Variants in SLC4A10 observed in about 807,000 individuals in gnomAD.
The protein encoded by SLC4A10 is solute carrier family 4 member 10.
A neutral mutation model predicts 137.7 loss-of-function variants in SLC4A10; 42 were observed. That is an observed-to-expected ratio of 0.30 (90% confidence interval 0.24 to 0.39). SLC4A10 has a LOEUF of 0.39. Ranked by LOEUF, SLC4A10 falls within the 10% of genes least tolerant of loss-of-function variation. The probability of loss-of-function intolerance (pLI) is 1.00; values close to 1 mark genes in which losing one functional copy is unlikely to be tolerated. For missense variants in SLC4A10, 925 were observed against 1,355.0 expected, an observed-to-expected ratio of 0.68 and a Z score of 4.98; for synonymous variants, 474 against 464.1, an observed-to-expected ratio of 1.02 and a Z score of -0.27.
intron 3 of SLC4A10, among the ~76,000 whole-genome samples, chr2:161,823,813 A>G (rs967908398): frequency 1.2e-4 from 18 of 152,306 alleles, no homozygotes; most frequent in African/African-American, 4.3e-4. Flanking sequence ...TTCTGGGGGG[A>G]AAATGCCACA....
chr2:161,894,723 G>T lies in SLC4A10; in HGVS notation c.1239G>T (p.Leu413Phe). 6.9e-7 allele frequency: 1 copy of T among 1,443,828 alleles called. No individual in the cohort carries two copies. Among genetic ancestry groups the T allele is most frequent in the East Asian group, 2.7e-5 (1 of 37,428 alleles). 89.4% of individuals were successfully genotyped at this position (1,443,828 alleles called of 1,614,324 possible). Residue 413 changes from leucine (L) to phenylalanine (F), a missense_variant, in exon 11 of 27, where the codon TTG becomes TTT. Physicochemically the swap from Leu to Phe is conservative, Grantham distance 22 (BLOSUM62 0). Coordinates refer to ENST00000446997, the MANE Select transcript of SLC4A10 (RefSeq NM_001178015.2). ...ATAAAGCTAAAGATCGTAATGACTT[G>T]GTATCAGGAATTGATGAGTTTCTGG... Reference protein sequence around the residue: ...VAYKAKDRNDLVSGIDEFLDQ... With the variant: ...VAYKAKDRNDFVSGIDEFLDQ...
chr2:161,786,863 G>A (rs528376795), intron 2 of SLC4A10, among the ~76,000 whole-genome samples: 2 of 150,212 alleles, frequency 1.3e-5, no homozygotes, highest in South Asian at 4.2e-4. Context: ...ACTCATTTCT[G>A]TTCAAAGTTA....
At chr2:161,964,471 G>A (rs1697244690) in intron 22 of SLC4A10, among the ~76,000 whole-genome samples, 163 bp downstream of exon 22, 1 of 152,150 alleles carries the variant, frequency 6.6e-6, no homozygotes, top group African/African-American at 2.4e-5. Context: ...GTTTAAGAAT[G>A]CCTATGAATT....
chr2:161,624,711 T>G (rs2031912322), intron 1 of SLC4A10, 145 bp downstream of exon 1: 2 of 1,091,268 alleles, frequency 1.8e-6, no homozygotes, highest in Admixed American at 4.5e-5. Context: ...TCCTCCCATC[T>G]TGGGAGACTG....
chr2:161,810,222 T>C (rs1022688318), intron 3 of SLC4A10, among the ~76,000 whole-genome samples: 1 of 152,102 alleles, frequency 6.6e-6, no homozygotes, highest in Admixed American at 6.6e-5. Flanking sequence ...TGATTTTGTC[T>C]CCTGAAACTT....
At chr2:161,673,603 C>T (rs2039970921) in intron 1 of SLC4A10, among the ~76,000 whole-genome samples, 1 of 151,996 alleles carries the variant, frequency 6.6e-6, no homozygotes, top group Non-Finnish European at 1.5e-5. Flanking sequence ...ATTAAAATGC[C>T]ACATAAACAT....
intron 24 of SLC4A10, 147 bp downstream of exon 24, chr2:161,974,463 C>T (rs1374383520): frequency 5.3e-6 from 3 of 568,228 alleles, no homozygotes; most frequent in African/African-American, 1.9e-5. Flanking sequence ...AACATGGGTC[C>T]TACTGCTAAG....
At chr2:161,929,425 T>C (rs1689903582) in intron 15 of SLC4A10, among the ~76,000 whole-genome samples, 1 of 152,244 alleles carries the variant, frequency 6.6e-6, no homozygotes, top group Non-Finnish European at 1.5e-5. Context: ...AAAATAATTA[T>C]TCCATTCTCT....
At chr2:161,933,098 A>C (rs1366276156) in intron 15 of SLC4A10, among the ~76,000 whole-genome samples, 1 of 150,274 alleles carries the variant, frequency 6.7e-6, no homozygotes, top group Non-Finnish European at 1.5e-5. Flanking sequence ...TATATATGCC[A>C]CTTATCTTTC....
At chr2:161,972,769 G>C (rs1358060686) in intron 23 of SLC4A10, among the ~76,000 whole-genome samples, 1 of 151,958 alleles carries the variant, frequency 6.6e-6, no homozygotes. Context: ...CGAATCATAG[G>C]GTGGGCACAG....
intron 3 of SLC4A10, among the ~76,000 whole-genome samples, chr2:161,810,772 A>G (rs551378173): frequency 9.9e-5 from 15 of 152,100 alleles, no homozygotes; most frequent in Admixed American, 1.3e-4. Context: ...GTTTGCTAGT[A>G]TTTTGTTGAG....
intron 1 of SLC4A10, among the ~76,000 whole-genome samples, chr2:161,751,431 G>A (rs946092216): frequency 1.8e-4 from 26 of 142,174 alleles, no homozygotes; most frequent in African/African-American, 6.2e-4. Context: ...GTATTTTGTT[G>A]TGGCTTTCAT....
In SLC4A10 at chr2:161,661,782, T is replaced by C. The variant is rs959884856; in HGVS notation, c.48+37216T>C. Reference sequence around the variant, plus strand: ...TATTCAAACTGCATAGTTAACATTATTTGTACAATCTTAGTAGGAAGTAAA... The same window carrying C: ...TATTCAAACTGCATAGTTAACATTACTTGTACAATCTTAGTAGGAAGTAAA... On this transcript the variant is annotated intron_variant, in intron 1 of 26. Coordinates refer to ENST00000446997, the MANE Select transcript of SLC4A10 (RefSeq NM_001178015.2). Among the ~76,000 whole-genome samples, 9 of 152,194 alleles carry C rather than the reference T, an allele frequency of 5.9e-5. No homozygotes were observed. The East Asian group carries it at 1.5e-3, about 26-fold the overall frequency.
chr2:161,726,631 G>A (rs62189012), intron 1 of SLC4A10, among the ~76,000 whole-genome samples: 11,495 of 152,220 alleles, frequency 0.076, 546 homozygotes, highest in East Asian at 0.14. Flanking sequence ...AGAATTCGCC[G>A]GGTGCGGTGG....
chr2:161,902,184 G>A (rs1270229549), intron 12 of SLC4A10: 5 of 420,520 alleles, frequency 1.2e-5, no homozygotes, highest in Admixed American at 2.8e-5. Context: ...TCCCACTTCC[G>A]GATTTAGATT....
At chr2:161,745,632 T>G (rs2048314857) in intron 1 of SLC4A10, among the ~76,000 whole-genome samples, 1 of 152,190 alleles carries the variant, frequency 6.6e-6, no homozygotes, top group Non-Finnish European at 1.5e-5. Context: ...GGATATTTAT[T>G]GATGTCTGGG....
rs763179361 is a variant in SLC4A10 at position 161,976,895 on chromosome 2, T to A, written c.3344+19T>A. 4 of 1,331,156 alleles carry A rather than the reference T, an allele frequency of 3.0e-6. No individual in the cohort carries two copies. The highest frequency in any genetic ancestry group is 4.2e-6 in the Non-Finnish European group (4 of 956,416). The allele number at this position is 1,331,156 out of a possible 1,614,324, so 82.5% of individuals were successfully genotyped here. A position where few individuals can be genotyped will look rare whatever the true frequency, so the allele number is the denominator to read the frequency against. ...CCAAAAGGTTTGGATTTTAAAATAA[T>A]GAGAATTTATACTAATTCCAATTGT... On this transcript the variant is annotated intron_variant, in intron 25 of 26. Transcript: ENST00000446997.
intron 1 of SLC4A10, among the ~76,000 whole-genome samples, chr2:161,630,544 G>A (rs1363171975): frequency 6.6e-6 from 1 of 151,682 alleles, no homozygotes; most frequent in Non-Finnish European, 1.5e-5. Flanking sequence ...AAGACATAAA[G>A]AGATATATTT....
At chr2:161,873,530 C>CAAAAAAAAAAAA (rs759717096) in intron 7 of SLC4A10, among the ~76,000 whole-genome samples, 2 of 17,332 alleles carry the variant, frequency 1.2e-4, no homozygotes, top group Non-Finnish European at 2.2e-4. Flanking sequence ...GACCACATCT[C>CAAAAAAAAAAAA]AAAAAAAAAA....
Sources: gnomAD v4.1 joint callset for allele counts (sites outside exome capture counted in the v4.1 genomes callset) on GRCh38, gnomAD v4.1.1 for gene constraint, MANE v1.5 for transcripts, NCBI Gene and HGNC (gene_info 2026-07-23, HGNC 2026-07-21) for gene names.